The following NUDCD1 variants were observed in gnomAD, a reference collection of about 807,000 sequenced individuals.
NUDCD1 encodes the protein NudC domain containing 1, also known as nudC domain-containing protein 1.
Under a neutral mutation model 67.8 loss-of-function variants are expected in NUDCD1, and 60 were observed. That is an observed-to-expected ratio of 0.88 (90% CI 0.72 to 1.10). The LOEUF (loss-of-function observed/expected upper bound fraction) is 1.10. Ranked by LOEUF, NUDCD1 falls within the 50% of genes least tolerant of loss-of-function variation. NUDCD1 has a pLI of 0.00. For synonymous variants in NUDCD1, 244 were observed against 230.8 expected (o/e 1.06, Z -0.52); for missense variants, 643 against 695.0 (o/e 0.93, Z 0.84).
chr8:109,304,325 T>C (rs373760580), intron 2 of NUDCD1, among the ~76,000 whole-genome samples: 5 of 152,226 alleles, frequency 3.3e-5, no homozygotes, highest in Non-Finnish European at 7.3e-5. Flanking sequence ...CTGATCCACC[T>C]GGCATTCACT....
In NUDCD1 at chr8:109,241,974, T is replaced by C. The variant is rs1389125482; in HGVS notation, c.*1035A>G. 5.0e-6 allele frequency: 2 copies of C among 396,884 alleles called. No homozygotes were observed. Among genetic ancestry groups the C allele is most frequent in the African/African-American group, 2.1e-5 (1 of 48,516 alleles). 24.6% of individuals were successfully genotyped at this position (396,884 alleles called of 1,614,324 possible). A position where few individuals can be genotyped will look rare whatever the true frequency, so the allele number is the denominator to read the frequency against. On this transcript the variant is annotated 3_prime_UTR_variant, in exon 10 of 10. Transcript: ENST00000239690. ...AAAGGTAAGTTTGAAAAAACAAAATTTGTGGCAAGAAACTATAACATATAA... is the reference window on the plus strand; with the variant it reads ...AAAGGTAAGTTTGAAAAAACAAAATCTGTGGCAAGAAACTATAACATATAA...
At chr8:109,248,335 C>T (rs1182288962) in intron 8 of NUDCD1, among the ~76,000 whole-genome samples, 1 of 152,208 alleles carries the variant, frequency 6.6e-6, no homozygotes, top group African/African-American at 2.4e-5. Context: ...TGCAGCAATT[C>T]GTTGCAGTAA....
At chr8:109,285,282 GAGA>G (rs56289062) in intron 5 of NUDCD1, among the ~76,000 whole-genome samples, 54,616 of 151,756 alleles carry the variant, frequency 0.36, 10,614 homozygotes, top group South Asian at 0.5. Flanking sequence ...CAAAAAAATC[GAGA>G]AGGAGGAACT....
At chr8:109,331,515 CAAAAAAAAAA>C (rs59203626) in intron 1 of NUDCD1, among the ~76,000 whole-genome samples, 2 of 65,888 alleles carry the variant, frequency 3.0e-5, no homozygotes, top group South Asian at 5.7e-4. Flanking sequence ...GACTCAGACT[CAAAAAAAAAA>C]AAAAAAAAAA....
intron 2 of NUDCD1, among the ~76,000 whole-genome samples, chr8:109,301,053 G>A (rs566365295): frequency 1.3e-5 from 2 of 152,182 alleles, no homozygotes; most frequent in Non-Finnish European, 2.9e-5. Flanking sequence ...CAAATGCCAA[G>A]AGAATTCACC....
intron 8 of NUDCD1, among the ~76,000 whole-genome samples, chr8:109,256,800 A>G: frequency 6.9e-6 from 1 of 144,638 alleles, no homozygotes; most frequent in East Asian, 1.9e-4. Flanking sequence ...TATTCCTGGC[A>G]AAAAAAAAAT....
intron 8 of NUDCD1, among the ~76,000 whole-genome samples, chr8:109,252,660 T>G (rs1170350915): frequency 6.6e-6 from 1 of 152,180 alleles, no homozygotes; most frequent in African/African-American, 2.4e-5. Flanking sequence ...AATCTGTTAG[T>G]TGAATCCTTC....
At position 109,322,474 on chromosome 8, in the gene NUDCD1, A is replaced by G; in HGVS notation, c.119-11T>C. 6.3e-7 allele frequency: 1 copy of G among 1,576,148 alleles called. No homozygotes were observed. Among genetic ancestry groups the G allele is most frequent in the South Asian group, 1.1e-5 (1 of 87,170 alleles). ...TTACCTCTGCCACAGCTGAAATACA[A>G]GAAAAGCAAACATAAACATCAAGAG... On this transcript the variant is annotated splice_polypyrimidine_tract_variant and intron_variant, in intron 1 of 9. Coordinates refer to ENST00000239690, the MANE Select transcript of NUDCD1 (RefSeq NM_032869.4).
chr8:109,294,057 CAA>C (rs1814777027), intron 3 of NUDCD1, among the ~76,000 whole-genome samples: 1 of 149,130 alleles, frequency 6.7e-6, no homozygotes, highest in African/African-American at 2.4e-5. Flanking sequence ...CAGAAACACA[CAA>C]AATCTTATCA....
Position 109,245,394 on chromosome 8 carries a change from C to A in NUDCD1, c.1387G>T (p.Ala463Ser). 1 of 1,613,796 alleles carries A rather than the reference C, an allele frequency of 6.2e-7. No individual in the cohort carries two copies. Among genetic ancestry groups the A allele is most frequent in the Middle Eastern group, 1.7e-4 (1 of 6,060 alleles). Residue 463 changes from alanine to serine, a missense_variant, in exon 9 of 10, where the codon GCC becomes TCC. Ala to Ser is a moderately conservative substitution (Grantham distance 99). Coordinates refer to ENST00000239690, the MANE Select transcript of NUDCD1 (RefSeq NM_032869.4). The part of the protein sequence containing the change: ...PCFCLRHDVD[A>S]LLWQPHSSKQ... ...CTGGAGTGTGGTTGCCAGAGTAGGG[C>A]ATCAACATCATGGCGCAAACAGAAG...
intron 8 of NUDCD1, among the ~76,000 whole-genome samples, chr8:109,251,009 T>C (rs1337656555): frequency 1.3e-5 from 2 of 152,180 alleles, no homozygotes. Context: ...TTCCTTTCTC[T>C]TCAACTTTCT....
chr8:109,300,170 T>G (rs1012374162), intron 2 of NUDCD1, among the ~76,000 whole-genome samples: 2 of 152,142 alleles, frequency 1.3e-5, no homozygotes, highest in African/African-American at 4.8e-5. Context: ...AAATCAAGTC[T>G]GGTAATATGA....
intron 2 of NUDCD1, among the ~76,000 whole-genome samples, chr8:109,312,325 C>T (rs1200908710): frequency 1.4e-5 from 2 of 141,446 alleles, no homozygotes; most frequent in South Asian, 4.4e-4. Context: ...AAAAAAGCCC[C>T]AAATCACTGG....
intron 2 of NUDCD1, among the ~76,000 whole-genome samples, chr8:109,309,545 T>C (rs982219682): frequency 5.9e-5 from 9 of 152,088 alleles, no homozygotes; most frequent in Admixed American, 4.6e-4. Flanking sequence ...CTCTGAAAAC[T>C]GGAACAAGAC....
intron 9 of NUDCD1, among the ~76,000 whole-genome samples, chr8:109,245,105 C>T (rs572885591): frequency 1.3e-5 from 2 of 152,212 alleles, no homozygotes; most frequent in South Asian, 4.2e-4. Context: ...CATTTCTATT[C>T]TGTGTTGATC....
At chr8:109,317,937 C>A (rs924935720) in intron 2 of NUDCD1, among the ~76,000 whole-genome samples, 9 of 152,108 alleles carry the variant, frequency 5.9e-5, no homozygotes, top group Admixed American at 3.9e-4. Flanking sequence ...TAATAGTTAC[C>A]TGTACACTCA....
At chr8:109,323,777 C>G (rs1815595878) in intron 1 of NUDCD1, among the ~76,000 whole-genome samples, 1 of 152,066 alleles carries the variant, frequency 6.6e-6, no homozygotes, top group Non-Finnish European at 1.5e-5. Context: ...AGAAATAAAT[C>G]CATGTACATG....
chr8:109,309,898 A>C (rs1035184891), intron 2 of NUDCD1, among the ~76,000 whole-genome samples: 1 of 152,058 alleles, frequency 6.6e-6, no homozygotes, highest in Non-Finnish European at 1.5e-5. Flanking sequence ...AACAAAAAAA[A>C]CCACTTAGGA....
At chr8:109,332,276 G>A (rs1273066911) in intron 1 of NUDCD1, among the ~76,000 whole-genome samples, 1 of 152,270 alleles carries the variant, frequency 6.6e-6, no homozygotes, top group African/African-American at 2.4e-5. Context: ...TAGAGTTCAG[G>A]TAAGAGATAA....
Sources: allele counts gnomAD v4.1 joint callset (sites outside exome capture counted in the v4.1 genomes callset), GRCh38; gene constraint gnomAD v4.1.1; transcripts MANE v1.5; gene names NCBI Gene and HGNC (gene_info 2026-07-23, HGNC 2026-07-21).